The following ANXA8 variants were observed in gnomAD, a reference collection of about 807,000 sequenced individuals.
ANXA8 encodes VAC-beta.
A neutral mutation model predicts 26.8 loss-of-function variants in ANXA8; 9 were observed. The observed-to-expected ratio is 0.34, with a 90% CI of 0.20 to 0.59. ANXA8 has a LOEUF of 0.59. Among genes scored for constraint, ANXA8 ranks in the 20% least tolerant of loss-of-function variants. The pLI, the probability that ANXA8 is intolerant of heterozygous loss-of-function variation, is 0.84. For synonymous variants in ANXA8, 39 were observed against 94.8 expected, an observed-to-expected ratio of 0.41 and a Z score of 3.42; for missense variants, 83 against 238.5, an observed-to-expected ratio of 0.35 and a Z score of 4.29.
the ANXA8 span, among the ~76,000 whole-genome samples, chr10:47,718,119 A>T: frequency 6.6e-6 from 1 of 152,266 alleles, no homozygotes; most frequent in Non-Finnish European, 1.5e-5. Context: ...ATGCCCATGT[A>T]ACAAACCTGC....
the ANXA8 span, among the ~76,000 whole-genome samples, chr10:47,756,692 A>T: frequency 6.6e-6 from 1 of 152,312 alleles, no homozygotes; most frequent in Non-Finnish European, 1.5e-5. Flanking sequence ...CCACCACCTC[A>T]CTGGGATGGG....
At chr10:47,489,018 A>AT (rs1395732292), upstream of ANXA8, among the ~76,000 whole-genome samples, 3 of 119,472 alleles carry the variant, frequency 2.5e-5, no homozygotes, top group African/African-American at 3.3e-5. Flanking sequence ...CCCAGCAATT[A>AT]TTTTTTTCTT....
the ANXA8 span, among the ~76,000 whole-genome samples, chr10:47,929,720 A>G: frequency 1.3e-5 from 2 of 149,346 alleles, no homozygotes; most frequent in Non-Finnish European, 1.5e-5. Context: ...CCTCCTATTC[A>G]CAACCCTCAT....
the ANXA8 span, among the ~76,000 whole-genome samples, chr10:47,533,185 T>TCTCACA: frequency 6.7e-4 from 69 of 102,460 alleles, no homozygotes; most frequent in Middle Eastern, 4.7e-3. Context: ...TAAACACACA[T>TCTCACA]CACACACACA....
the ANXA8 span, among the ~76,000 whole-genome samples, chr10:47,743,258 A>G: frequency 7.7e-6 from 1 of 130,028 alleles, no homozygotes; most frequent in African/African-American, 2.9e-5. Flanking sequence ...ATATATATAT[A>G]TATATACATA....
chr10:47,987,022 G>A, the ANXA8 span: 1 of 544,196 alleles, frequency 1.8e-6, no homozygotes, highest in Non-Finnish European at 3.6e-6. Flanking sequence ...CGGGGAAAGG[G>A]GCCGTCCGGG....
the ANXA8 span, chr10:47,502,107 G>A: frequency 1.3e-6 from 2 of 1,572,968 alleles, no homozygotes; most frequent in Non-Finnish European, 1.7e-6. Flanking sequence ...CCGTACTGCA[G>A]AAGCACGTTG....
At chr10:47,957,781 G>C in the ANXA8 span, among the ~76,000 whole-genome samples, 3 of 148,730 alleles carry the variant, frequency 2.0e-5, no homozygotes. Context: ...TCTGATCTCT[G>C]CCTCCAGCCT....
the ANXA8 span, among the ~76,000 whole-genome samples, chr10:47,672,200 T>C: frequency 6.6e-6 from 1 of 150,438 alleles, no homozygotes; most frequent in Admixed American, 6.6e-5. Context: ...ATGAATATTG[T>C]TCTTTTTACC....
chr10:47,558,956 T>C, the ANXA8 span, among the ~76,000 whole-genome samples: 1 of 151,588 alleles, frequency 6.6e-6, no homozygotes, highest in Non-Finnish European at 1.5e-5. Flanking sequence ...TTACCTATTA[T>C]TTGACTTTAT....
chr10:47,586,869 AG>A, the ANXA8 span, among the ~76,000 whole-genome samples: 1 of 146,234 alleles, frequency 6.8e-6, no homozygotes, highest in East Asian at 1.9e-4. Flanking sequence ...GTTTTTGAGC[AG>A]GGGGTCACTG....
At chr10:47,533,223 A>ACACACACACACC in the ANXA8 span, among the ~76,000 whole-genome samples, 4 of 139,198 alleles carry the variant, frequency 2.9e-5, no homozygotes, top group African/African-American at 1.1e-4. Context: ...ACACACACAC[A>ACACACACACACC]CCCCCGCAGA....
At chr10:47,958,203 G>A in the ANXA8 span, among the ~76,000 whole-genome samples, 1 of 150,250 alleles carries the variant, frequency 6.7e-6, no homozygotes, top group Non-Finnish European at 1.5e-5. Flanking sequence ...CTCCAGCTCG[G>A]CGTGGTGGTT....
At chr10:47,956,997 C>A in the ANXA8 span, among the ~76,000 whole-genome samples, 1 of 150,464 alleles carries the variant, frequency 6.6e-6, no homozygotes, top group South Asian at 2.1e-4. Flanking sequence ...GTATCCTTCC[C>A]TTAGTATCTC....
chr10:47,761,266 A>T, the ANXA8 span, among the ~76,000 whole-genome samples: 1 of 145,600 alleles, frequency 6.9e-6, no homozygotes, highest in African/African-American at 2.6e-5. Context: ...CTCACCTGGA[A>T]CATGGGTTTC....
chr10:47,469,969 C>A (rs1839273795), intron 11 of ANXA8, among the ~76,000 whole-genome samples: 1 of 151,564 alleles, frequency 6.6e-6, no homozygotes, highest in East Asian at 1.9e-4. Flanking sequence ...GCCTTGGACT[C>A]CTGGGCTCAA....
At chr10:47,688,057 C>G in the ANXA8 span, among the ~76,000 whole-genome samples, 2 of 151,194 alleles carry the variant, frequency 1.3e-5, no homozygotes, top group African/African-American at 4.9e-5. Flanking sequence ...GCTGAGATCG[C>G]GTCATTGCAC....
chr10:47,686,121 G>A, the ANXA8 span, among the ~76,000 whole-genome samples: 2 of 151,494 alleles, frequency 1.3e-5, no homozygotes, highest in African/African-American at 2.4e-5. Context: ...AAGAGCCTAC[G>A]AAAAATGCAG....
the ANXA8 span, among the ~76,000 whole-genome samples, chr10:47,548,342 C>T: frequency 6.9e-6 from 1 of 145,700 alleles, no homozygotes. Context: ...ACTCTTGTTG[C>T]CCAGGCTAGA....
Sources: allele counts gnomAD v4.1 joint callset (sites outside exome capture counted in the v4.1 genomes callset), GRCh38; gene constraint gnomAD v4.1.1; transcripts MANE v1.5; gene names NCBI Gene and HGNC (gene_info 2026-07-23, HGNC 2026-07-21).